The following NRXN3 variants were observed in gnomAD, a reference collection of about 807,000 sequenced individuals.
NRXN3 encodes the protein neurexin III.
In NRXN3, 32 loss-of-function variants were observed where a neutral mutation model predicts 137.6. The observed-to-expected ratio is 0.23, with a 90% CI of 0.18 to 0.31. NRXN3 has a LOEUF of 0.31. Among genes scored for constraint, NRXN3 ranks in the 10% least tolerant of loss-of-function variants. NRXN3 has a pLI of 1.00. For missense variants in NRXN3, 1,574 were observed against 2,062.5 expected (o/e 0.76, Z 4.59); for synonymous variants, 798 against 784.5 (o/e 1.02, Z -0.29).
chr14:79,205,856 G>A (rs534807708), intron 15 of NRXN3, among the ~76,000 whole-genome samples: 2 of 152,192 alleles, frequency 1.3e-5, no homozygotes, highest in Admixed American at 6.5e-5. Context: ...ACTTAATTTT[G>A]CCTCTATTTC....
intron 10 of NRXN3, among the ~76,000 whole-genome samples, chr14:78,845,585 A>G (rs770672609): frequency 2.9e-4 from 44 of 151,934 alleles, no homozygotes; most frequent in Non-Finnish European, 5.7e-4. Context: ...TCAAATGTCT[A>G]TTATTTTTTC....
chr14:78,459,542 G>A (rs2094856031), intron 4 of NRXN3, among the ~76,000 whole-genome samples: 2 of 152,098 alleles, frequency 1.3e-5, no homozygotes, highest in African/African-American at 4.8e-5. Context: ...GCCCCTGTAG[G>A]ACTATGTCTT....
At chr14:79,134,429 C>G (rs1321791316) in intron 15 of NRXN3, among the ~76,000 whole-genome samples, 1 of 152,188 alleles carries the variant, frequency 6.6e-6, no homozygotes, top group African/African-American at 2.4e-5. Context: ...GTTCTTCAGG[C>G]AGCAATTTAA....
Position 79,839,407 on chromosome 14 carries a change from G to C in NRXN3, c.4094-21935G>C, listed in dbSNP as rs573435475. 4.6e-5 allele frequency among the ~76,000 whole-genome samples: 7 copies of C among 152,190 alleles called. No individual in the cohort carries two copies. In the South Asian group the frequency reaches 1.5e-3, roughly 32 times the overall value. Reference sequence around the variant, plus strand: ...TGGGGCCTTTTAAAAAGTGTGTATAGAGTCAATGATGAATTAAGATGCAGT... The same window carrying C: ...TGGGGCCTTTTAAAAAGTGTGTATACAGTCAATGATGAATTAAGATGCAGT... On this transcript the variant is annotated intron_variant, in intron 20 of 20. Transcript: ENST00000335750.
At chr14:78,926,813 T>TTA (rs1338865690) in intron 10 of NRXN3, among the ~76,000 whole-genome samples, 3 of 50,172 alleles carry the variant, frequency 6.0e-5, no homozygotes, top group African/African-American at 1.9e-4. Context: ...TTTATATATA[T>TTA]TATATATTAT....
At chr14:79,031,243 A>G (rs909018080) in intron 15 of NRXN3, among the ~76,000 whole-genome samples, 3 of 152,138 alleles carry the variant, frequency 2.0e-5, no homozygotes, top group Non-Finnish European at 4.4e-5. Flanking sequence ...CTTTTATAAA[A>G]CTTAGAATAT....
chr14:79,796,239 T>A (rs776706629), intron 19 of NRXN3, among the ~76,000 whole-genome samples: 3 of 152,190 alleles, frequency 2.0e-5, no homozygotes, highest in Non-Finnish European at 4.4e-5. Context: ...TTTTTCTGTC[T>A]CCTAAATAAT....
Position 79,867,358 on chromosome 14 carries a change from AGAAACAAAGTTGCAGATCAAAGTTT to A in NRXN3, c.*5396_*5420del, listed in dbSNP as rs1372264228. 1.3e-5 allele frequency: 2 copies of A among 152,246 alleles called. No homozygotes were observed. Among genetic ancestry groups the A allele is most frequent in the Non-Finnish European group, 2.9e-5 (2 of 68,052 alleles). The allele number at this position is 152,246 out of a possible 1,614,324, so 9.4% of individuals were successfully genotyped here. Reference sequence around the variant, plus strand: ...CAACTGAAATGTATTTCTCAGTTCCAGAAACAAAGTTGCAGATCAAAGTTTGTTAGGGCTCAGTTTCTGGGAAGGG... The same window carrying A: ...CAACTGAAATGTATTTCTCAGTTCCAGTTAGGGCTCAGTTTCTGGGAAGGG... On this transcript the variant is annotated 3_prime_UTR_variant, in exon 21 of 21. Transcript: ENST00000335750.
chr14:79,731,790 C>T (rs979672089), intron 19 of NRXN3, among the ~76,000 whole-genome samples: 15 of 151,664 alleles, frequency 9.9e-5, no homozygotes, highest in African/African-American at 3.4e-4. Flanking sequence ...ACCCTCCTTC[C>T]TTCCTTTTTT....
At chr14:79,140,090 C>T (rs762144691) in intron 15 of NRXN3, among the ~76,000 whole-genome samples, 9 of 151,924 alleles carry the variant, frequency 5.9e-5, no homozygotes, top group Non-Finnish European at 1.0e-4. Flanking sequence ...AATTGTCATT[C>T]GAACCAAACC....
At chr14:78,342,871 G>A (rs994012429) in intron 4 of NRXN3, among the ~76,000 whole-genome samples, 1 of 152,106 alleles carries the variant, frequency 6.6e-6, no homozygotes, top group African/African-American at 2.4e-5. Flanking sequence ...AACAGGGGGT[G>A]GTTAATAACA....
chr14:79,384,571 T>C (rs111359403), intron 15 of NRXN3, among the ~76,000 whole-genome samples: 1,814 of 152,258 alleles, frequency 0.012, 39 homozygotes, highest in African/African-American at 0.041. Context: ...CATTCACAGA[T>C]TATGTTAACC....
intron 19 of NRXN3, among the ~76,000 whole-genome samples, chr14:79,711,227 T>G (rs777181697): frequency 6.6e-6 from 1 of 152,164 alleles, no homozygotes; most frequent in Non-Finnish European, 1.5e-5. Flanking sequence ...TATAGTTTTA[T>G]GGAATGTTTA....
At chr14:78,179,713 G>A (rs1436144549) in intron 1 of NRXN3, among the ~76,000 whole-genome samples, 1 of 152,102 alleles carries the variant, frequency 6.6e-6, no homozygotes, top group Non-Finnish European at 1.5e-5. Context: ...AGTTCAAGGA[G>A]GGAGGAACAA....
intron 2 of NRXN3, among the ~76,000 whole-genome samples, chr14:78,249,720 G>C (rs1411725357): frequency 1.3e-5 from 2 of 152,106 alleles, no homozygotes; most frequent in Non-Finnish European, 2.9e-5. Flanking sequence ...TGACATTCTA[G>C]GTGCTTTTTA....
chr14:78,198,753 A>G (rs560162600), intron 1 of NRXN3, among the ~76,000 whole-genome samples: 5 of 152,252 alleles, frequency 3.3e-5, no homozygotes, highest in Non-Finnish European at 5.9e-5. Context: ...CAGCACTTAG[A>G]TGACACCAAT....
intron 20 of NRXN3, among the ~76,000 whole-genome samples, chr14:79,819,484 T>A (rs962814812): frequency 5.4e-5 from 7 of 129,954 alleles, no homozygotes; most frequent in Non-Finnish European, 9.7e-5. Flanking sequence ...ATTAAAAGCT[T>A]TTTTTTTTTT....
At chr14:79,419,452 A>G (rs2095544584) in intron 15 of NRXN3, among the ~76,000 whole-genome samples, 1 of 152,188 alleles carries the variant, frequency 6.6e-6, no homozygotes, top group South Asian at 2.1e-4. Context: ...AAAAATGCAA[A>G]AGCCAATTTA....
chr14:79,084,504 C>T (rs1037193096), intron 15 of NRXN3, among the ~76,000 whole-genome samples: 1 of 152,088 alleles, frequency 6.6e-6, no homozygotes. Context: ...CTGTCACTCC[C>T]CACATGAGAC....
Sources: gnomAD v4.1 joint callset for allele counts (sites outside exome capture counted in the v4.1 genomes callset) on GRCh38, gnomAD v4.1.1 for gene constraint, MANE v1.5 for transcripts, NCBI Gene and HGNC (gene_info 2026-07-23, HGNC 2026-07-21) for gene names.